Variants in ATRNL1 observed in about 807,000 individuals in gnomAD.
The protein encoded by ATRNL1 is attractin-like protein 1.
ATRNL1 carries 95 observed loss-of-function variants against 182.7 expected under a neutral mutation model. That is an observed-to-expected ratio of 0.52 (90% CI 0.44 to 0.62). The LOEUF (loss-of-function observed/expected upper bound fraction) is 0.62. Ranked by LOEUF, ATRNL1 falls within the 20% of genes least tolerant of loss-of-function variation. The pLI, the probability that ATRNL1 is intolerant of heterozygous loss-of-function variation, is 0.00. For synonymous variants in ATRNL1, 576 were observed against 568.3 expected, an observed-to-expected ratio of 1.01 and a Z score of -0.19; for missense variants, 1,471 against 1,679.5, an observed-to-expected ratio of 0.88 and a Z score of 2.17.
intron 8 of ATRNL1, among the ~76,000 whole-genome samples, chr10:115,189,225 A>G (rs1350545710): frequency 2.0e-5 from 3 of 151,616 alleles, no homozygotes; most frequent in Admixed American, 6.6e-5. Flanking sequence ...GTACAGAAGT[A>G]TGGCACATAC....
intron 21 of ATRNL1, among the ~76,000 whole-genome samples, chr10:115,456,568 G>A (rs1360334165): frequency 1.3e-5 from 2 of 152,068 alleles, no homozygotes; most frequent in Non-Finnish European, 2.9e-5. Flanking sequence ...AACTACCATG[G>A]CACATGTATA....
chr10:115,454,828 A>G (rs1847446294), intron 21 of ATRNL1, among the ~76,000 whole-genome samples: 1 of 151,918 alleles, frequency 6.6e-6, no homozygotes, highest in South Asian at 2.1e-4. Flanking sequence ...TTAGTATTTT[A>G]TCTACATAAT....
chr10:115,306,691 T>G (rs1554926277), intron 17 of ATRNL1, among the ~76,000 whole-genome samples: 1 of 152,166 alleles, frequency 6.6e-6, no homozygotes, highest in Non-Finnish European at 1.5e-5. Flanking sequence ...TTAAAATAGT[T>G]GCTGGAACTT....
chr10:115,696,901 G>A (rs1198914950), intron 26 of ATRNL1, among the ~76,000 whole-genome samples: 2 of 133,800 alleles, frequency 1.5e-5, no homozygotes. Flanking sequence ...GAGAGAGAGC[G>A]AGCGAGCTAG....
intron 27 of ATRNL1, among the ~76,000 whole-genome samples, chr10:115,809,173 C>G (rs1304100288): frequency 6.6e-6 from 1 of 152,006 alleles, no homozygotes; most frequent in Non-Finnish European, 1.5e-5. Context: ...TGACTTCATT[C>G]TGTTTCATTG....
intron 26 of ATRNL1, among the ~76,000 whole-genome samples, chr10:115,710,032 GT>G (rs1947016975): frequency 6.6e-6 from 1 of 151,882 alleles, no homozygotes; most frequent in African/African-American, 2.4e-5. Context: ...AGTTTCTGTA[GT>G]TTTAGCAAAG....
At chr10:115,303,281 G>T (rs1425661473) in intron 17 of ATRNL1, among the ~76,000 whole-genome samples, 4 of 141,612 alleles carry the variant, frequency 2.8e-5, no homozygotes, top group African/African-American at 5.4e-5. Flanking sequence ...CTGGAGTGCA[G>T]TGGCCTAATT....
intron 24 of ATRNL1, among the ~76,000 whole-genome samples, chr10:115,500,874 T>C (rs1431221018): frequency 1.3e-5 from 2 of 150,798 alleles, no homozygotes; most frequent in Non-Finnish European, 3.0e-5. Flanking sequence ...GGCTTTTAAA[T>C]TGGCTTTGAT....
chr10:115,096,788 A>G (rs1302563625), intron 1 of ATRNL1: 26 of 1,233,088 alleles, frequency 2.1e-5, no homozygotes, highest in South Asian at 2.0e-4. Context: ...TTCTGTTTCC[A>G]TTTGAAAAGA....
intron 28 of ATRNL1, among the ~76,000 whole-genome samples, chr10:115,942,715 A>C (rs1349513629): frequency 1.3e-5 from 2 of 152,244 alleles, no homozygotes; most frequent in African/African-American, 4.8e-5. Flanking sequence ...GCTCAATTCA[A>C]AGTCAAGTCT....
intron 26 of ATRNL1, among the ~76,000 whole-genome samples, chr10:115,686,749 A>G (rs1946230600): frequency 6.6e-6 from 1 of 152,054 alleles, no homozygotes; most frequent in South Asian, 2.1e-4. Context: ...CTTGATATCC[A>G]AGTTATCTTC....
chr10:115,252,665 C>A (rs1016700927), intron 10 of ATRNL1, among the ~76,000 whole-genome samples: 11 of 152,148 alleles, frequency 7.2e-5, no homozygotes, highest in African/African-American at 2.7e-4. Flanking sequence ...AGTCCTTTTT[C>A]TTCTGGGGCT....
chr10:115,868,021 C>A (rs1017052044), intron 28 of ATRNL1, among the ~76,000 whole-genome samples: 2 of 152,150 alleles, frequency 1.3e-5, no homozygotes, highest in African/African-American at 4.8e-5. Flanking sequence ...GCCTCAGCCT[C>A]CCAAAGTGCT....
chr10:115,641,085 A>G (rs925436395), intron 26 of ATRNL1, among the ~76,000 whole-genome samples: 3 of 152,152 alleles, frequency 2.0e-5, no homozygotes, highest in African/African-American at 7.2e-5. Context: ...TACAACCACC[A>G]GTGTTATTTT....
At chr10:115,661,259 G>C (rs138033368) in intron 26 of ATRNL1, among the ~76,000 whole-genome samples, 2 of 152,080 alleles carry the variant, frequency 1.3e-5, no homozygotes, top group East Asian at 3.9e-4. Context: ...ACTGTCAAAC[G>C]TATGTCCTTT....
At chr10:115,921,191 C>T (rs1555118666) in intron 28 of ATRNL1, among the ~76,000 whole-genome samples, 1 of 152,024 alleles carries the variant, frequency 6.6e-6, no homozygotes, top group African/African-American at 2.4e-5. Context: ...ATCACACCAC[C>T]TGCTTTTGAA....
intron 18 of ATRNL1, among the ~76,000 whole-genome samples, chr10:115,329,932 T>C (rs1554934530): frequency 6.6e-6 from 1 of 152,186 alleles, no homozygotes; most frequent in Non-Finnish European, 1.5e-5. Context: ...TGTTTTCTAG[T>C]TGTTTTGTAG....
chr10:115,094,702 T>C (rs1554862710), intron 1 of ATRNL1, among the ~76,000 whole-genome samples: 2 of 152,180 alleles, frequency 1.3e-5, no homozygotes, highest in African/African-American at 4.8e-5. Context: ...AGGCGATACA[T>C]TGAAGTAACT....
At chr10:115,597,012 T>A (rs1409122490) in intron 26 of ATRNL1, among the ~76,000 whole-genome samples, 3 of 152,154 alleles carry the variant, frequency 2.0e-5, no homozygotes, top group Admixed American at 6.5e-5. Context: ...TTCACTGTAT[T>A]GTTAATTTCC....
Sources: gnomAD v4.1 joint callset for allele counts (sites outside exome capture counted in the v4.1 genomes callset) on GRCh38, gnomAD v4.1.1 for gene constraint, MANE v1.5 for transcripts, NCBI Gene and HGNC (gene_info 2026-07-23, HGNC 2026-07-21) for gene names.